The following ECE2 variants were observed in gnomAD, a reference collection of about 807,000 sequenced individuals.
ECE2 encodes the protein endothelin-converting enzyme 2.
A neutral mutation model predicts 100.6 loss-of-function variants in ECE2; 81 were observed. That is an observed-to-expected ratio of 0.81 (90% CI 0.67 to 0.97). The LOEUF is 0.97. Among genes scored for constraint, ECE2 ranks in the 50% least tolerant of loss-of-function variants. The pLI is 0.00. For synonymous variants in ECE2, 391 were observed against 391.5 expected, an observed-to-expected ratio of 1.00 and a Z score of 0.02; for missense variants, 911 against 988.1, an observed-to-expected ratio of 0.92 and a Z score of 1.05.
chr3:184,279,621 C>T (rs1489129095), intron 7 of ECE2, among the ~76,000 whole-genome samples: 1 of 149,212 alleles, frequency 6.7e-6, no homozygotes, highest in Non-Finnish European at 1.5e-5. Flanking sequence ...GGCACCACTG[C>T]ACTCCAGCCT....
At position 184,289,642 on chromosome 3, in the gene ECE2, C is replaced by T. The variant is rs1345850864; in HGVS notation, c.1475C>T (p.Ala492Val). The stretch of plus-strand genomic sequence containing the variant: ...AAACCCTTAACCTGGTCTCTTCAGG[C>T]AGATGCCATCTATGATATGATTGGT... ...EKTRQAAKEK[A>V]DAIYDMIGFP... Residue 492 changes from alanine (A) to valine (V), a missense_variant and splice_region_variant, in exon 13 of 19, where the codon GCA (alanine) becomes GTA (valine). By Grantham distance (64) the Ala-to-Val change is moderately conservative (BLOSUM62 0). Transcript: ENST00000404464. The surrounding 1 kb of genome is among the most constrained non-coding windows in gnomAD (Gnocchi z 4.1). The T allele has an allele frequency of 6.2e-7, 1 of 1,613,454 alleles. No homozygotes were observed. Among genetic ancestry groups the T allele is most frequent in the East Asian group, 2.2e-5 (1 of 44,888 alleles).
rs1289535058 is a variant in ECE2 at position 184,283,838 on chromosome 3, G to A, written c.870G>A (p.Gly290=). 6.2e-7 allele frequency: 1 copy of A among 1,613,712 alleles called. No individual in the cohort carries two copies. Among genetic ancestry groups the A allele is most frequent in the East Asian group, 2.2e-5 (1 of 44,828 alleles). The change falls in exon 8 of 19, where the codon GGG becomes GGA. Residue 290 remains glycine (G), a synonymous_variant. Coordinates refer to ENST00000404464, the MANE Select transcript of ECE2 (RefSeq NM_001100121.2). ...AGGAACTGGGGATGCTGCTGGGTGG[G>A]CGGCCCACCTCCACGAGGGAGCAGA... ...YMEELGMLLG[G]RPTSTREQMQ...
intron 2 of ECE2, 157 bp from the exon 3 acceptor site, chr3:184,276,735 C>G (rs755798437): frequency 3.9e-6 from 6 of 1,549,756 alleles, no homozygotes; most frequent in Non-Finnish European, 4.4e-6. Context: ...TGACGTTGCA[C>G]AAAACAGACT....
Position 184,278,208 on chromosome 3 carries a change from C to T in ECE2, c.645C>T (p.Asn215=). 6.2e-7 allele frequency: 1 copy of T among 1,614,178 alleles called. No homozygotes were observed. The highest frequency in any genetic ancestry group is 1.3e-5 in the African/African-American group (1 of 75,032). Residue 215 remains asparagine (N), a synonymous_variant, in exon 6 of 19, where the codon AAC becomes AAT. Transcript: ENST00000404464. The stretch of plus-strand genomic sequence containing the variant: ...TTACGGGGCCCTGGGACCAGGACAA[C>T]TTTATGGAGGTGTTGAAGGCAGTAG... ...WNITGPWDQD[N]FMEVLKAVAG...
rs1042669079 is a variant in ECE2 at position 184,290,564 on chromosome 3, A to T, written c.1663A>T (p.Met555Leu). 2 of 1,614,062 alleles carry T rather than the reference A, an allele frequency of 1.2e-6. No homozygotes were observed. Among genetic ancestry groups the T allele is most frequent in the Non-Finnish European group, 1.7e-6 (2 of 1,179,956 alleles). Residue 555 changes from methionine to leucine, a missense_variant, in exon 15 of 19, where the codon ATG becomes TTG. Transcript: ENST00000404464. ...TCACTCTTCCTCCGCCAGGTGGAGC[A>T]TGACCCCCCAGACAGTGAATGCCTA... ...RKPPSRDQWS[M>L]TPQTVNAYYL... is the part of the protein sequence containing the mutation.
intron 16 of ECE2, 46 bp downstream of exon 16, chr3:184,290,906 G>C (rs1289747567): frequency 6.2e-7 from 1 of 1,613,180 alleles, no homozygotes; most frequent in East Asian, 2.2e-5. Context: ...ATTCCCAGTG[G>C]CTCCTGCAAG....
At chr3:184,284,399 G>A (rs1243270618) in intron 8 of ECE2, among the ~76,000 whole-genome samples, 8 of 152,046 alleles carry the variant, frequency 5.3e-5, no homozygotes, top group African/African-American at 9.7e-5. Context: ...AAAATTAGCC[G>A]GGTGTGGTGG....
At chr3:184,285,357 C>T (rs754034800) in intron 9 of ECE2, 121 bp from the exon 10 acceptor site, 134 of 924,458 alleles carry the variant, frequency 1.4e-4, no homozygotes, top group Non-Finnish European at 2.1e-4. Flanking sequence ...AGAGGAACCC[C>T]GGGACAGCTT....
chr3:184,285,677 A>C, intron 10 of ECE2, 85 bp downstream of exon 10: 1 of 1,027,432 alleles, frequency 9.7e-7, no homozygotes, highest in Non-Finnish European at 1.5e-6. Flanking sequence ...CATGTGCCTC[A>C]TGGTGCACAG....
chr3:184,284,843 C>A, intron 8 of ECE2, 120 bp from the exon 9 acceptor site: 1 of 1,341,618 alleles, frequency 7.5e-7, no homozygotes, highest in East Asian at 2.4e-5. Context: ...AAGGATACAC[C>A]ATGAAGCCAG....
Position 184,291,904 on chromosome 3 carries a change from T to G in ECE2, c.2122-158T>G, listed in dbSNP as rs575034908. The G allele has an allele frequency of 4.3e-5, 33 of 775,458 alleles. No homozygotes were observed. The highest frequency in any genetic ancestry group is 6.5e-5 in the Non-Finnish European group (32 of 493,224). The allele number at this position is 775,458 out of a possible 1,614,324, so 48.0% of individuals were successfully genotyped here. On this transcript the variant is annotated intron_variant, in intron 18 of 18. Coordinates refer to ENST00000404464, the MANE Select transcript of ECE2 (RefSeq NM_001100121.2). The surrounding 1 kb of genome is among the most constrained non-coding windows in gnomAD (Gnocchi z 4.1). ...GGGGCTCCGCTTTTTCCCCTCGTCA[T>G]GTCCATGCTGGGCAACCCGATGTCC... is the stretch of plus-strand genomic sequence containing the variant.
In ECE2 at chr3:184,290,567, A is replaced by T. The variant is rs761420063; in HGVS notation, c.1666A>T (p.Thr556Ser). 1.2e-6 allele frequency: 2 copies of T among 1,613,738 alleles called. No individual in the cohort carries two copies. Among genetic ancestry groups the T allele is most frequent in the East Asian group, 2.2e-5 (1 of 44,876 alleles). Reference protein sequence around the residue: ...KPPSRDQWSMTPQTVNAYYLP... With the variant: ...KPPSRDQWSMSPQTVNAYYLP... ...CTCTTCCTCCGCCAGGTGGAGCATG[A>T]CCCCCCAGACAGTGAATGCCTACTA... The change falls in exon 15 of 19, where the codon ACC (threonine) becomes TCC (serine). Residue 556 changes from threonine (T) to serine (S), a missense_variant. Coordinates refer to ENST00000404464, the MANE Select transcript of ECE2 (RefSeq NM_001100121.2).
rs55808452 is a variant in ECE2, at chr3:184,291,704, C to CAGGGTGGGGCAA, written c.2121+272_2121+273insGGCAAAGGGTGG. The CAGGGTGGGGCAA allele has an allele frequency of 0.76, 370,423 of 485,552 alleles. 143,528 individuals are homozygous for CAGGGTGGGGCAA. The highest frequency in any genetic ancestry group is 0.93 in the African/African-American group (47,581 of 51,428). 30.1% of individuals were successfully genotyped at this position (485,552 alleles called of 1,614,324 possible). On this transcript the variant is annotated intron_variant, in intron 18 of 18. Coordinates refer to ENST00000404464, the MANE Select transcript of ECE2 (RefSeq NM_001100121.2). This position sits in a 1 kb window ranked among gnomAD's most constrained non-coding sequence, Gnocchi z 4.1. ...GCAAGGTTGTCGTGCTTGCGGGGCA[C>CAGGGTGGGGCAA]AGGGTGGCGAAGGGGGCAAACGTTC...
intron 2 of ECE2, 116 bp from the exon 3 acceptor site, chr3:184,276,776 C>T: frequency 1.9e-6 from 3 of 1,557,564 alleles, no homozygotes; most frequent in Admixed American, 3.6e-5. Context: ...GGCCTCATTG[C>T]CCCCGGGCCC....
In ECE2 at chr3:184,278,967, G is replaced by A. The variant is rs1490035895; in HGVS notation, c.816+410G>A. 3 of 195,954 alleles carry A rather than the reference G, an allele frequency of 1.5e-5. No individual in the cohort carries two copies. The South Asian group carries it at 3.1e-4, about 20-fold the overall frequency. The allele number at this position is 195,954 out of a possible 1,614,324, so 12.1% of individuals were successfully genotyped here. On this transcript the variant is annotated intron_variant, in intron 7 of 18. Transcript: ENST00000404464. ...AAGTCTTCCTGAAGAGATTGCATTTGAGCCAGGTCCTGTAGAATACATAGG... is the reference window on the plus strand; with the variant it reads ...AAGTCTTCCTGAAGAGATTGCATTTAAGCCAGGTCCTGTAGAATACATAGG...
intron 7 of ECE2, among the ~76,000 whole-genome samples, chr3:184,281,970 G>A (rs1020685314): frequency 2.6e-5 from 4 of 152,126 alleles, no homozygotes; most frequent in Non-Finnish European, 5.9e-5. Context: ...GTGGTGGCCC[G>A]CGCCTGTAAT....
Position 184,289,608 on chromosome 3 carries a change from G to T in ECE2, c.1474-33G>T. 6.2e-7 allele frequency: 1 copy of T among 1,613,434 alleles called. No individual in the cohort carries two copies. ...GATACAGTTTTGCTAGGAACCTGGGGAAGGAAACAAACCCTTAACCTGGTC... is the reference window on the plus strand; with the variant it reads ...GATACAGTTTTGCTAGGAACCTGGGTAAGGAAACAAACCCTTAACCTGGTC... On this transcript the variant is annotated intron_variant, in intron 12 of 18. Transcript: ENST00000404464. The surrounding 1 kb of genome is among the most constrained non-coding windows in gnomAD (Gnocchi z 4.1).
At chr3:184,286,878 G>A (rs1721081659) in intron 10 of ECE2, among the ~76,000 whole-genome samples, 1 of 151,960 alleles carries the variant, frequency 6.6e-6, no homozygotes, top group South Asian at 2.1e-4. Context: ...GGCTGAGGTG[G>A]GTGGAGTGCT....
Position 184,277,973 on chromosome 3 carries a change from G to C in ECE2, c.527G>C (p.Arg176Pro). 1.2e-6 allele frequency: 2 copies of C among 1,613,536 alleles called. No homozygotes were observed. Among genetic ancestry groups the C allele is most frequent in the Non-Finnish European group, 1.7e-6 (2 of 1,180,036 alleles). Residue 176 changes from arginine to proline, a missense_variant, in exon 5 of 19, where the codon CGC becomes CCC. By Grantham distance (103) the Arg-to-Pro change is moderately radical (BLOSUM62 -2). Transcript: ENST00000404464. ...AGTGAAGCTGAGCAGAAGACACAGC[G>C]CTTCTACCTATCTTGCCTACAGGTG... ...SSSEAEQKTQ[R>P]FYLSCLQVER...
Sources: gnomAD v4.1 joint callset for allele counts (sites outside exome capture counted in the v4.1 genomes callset) on GRCh38, gnomAD v4.1.1 for gene constraint, Gnocchi (gnomAD v3.1) non-coding constraint, MANE v1.5 for transcripts, NCBI Gene and HGNC (gene_info 2026-07-23, HGNC 2026-07-21) for gene names.